DLG2: variants seen among roughly 807,000 people sequenced by gnomAD.
DLG2 encodes the protein discs large MAGUK scaffold protein 2, also known as disks large homolog 2.
DLG2 carries 45 observed loss-of-function variants against 132.5 expected under a neutral mutation model. That is an observed-to-expected ratio of 0.34 (90% CI 0.27 to 0.44). The LOEUF is 0.44. Among genes scored for constraint, DLG2 ranks in the 20% least tolerant of loss-of-function variants. The pLI, the probability that DLG2 is intolerant of heterozygous loss-of-function variation, is 1.00. For missense variants in DLG2, 1,045 were observed against 1,196.9 expected, an observed-to-expected ratio of 0.87 and a Z score of 1.87; for synonymous variants, 424 against 419.6, an observed-to-expected ratio of 1.01 and a Z score of -0.13.
chr11:85,173,875 A>C lies in DLG2; in HGVS notation c.187-19224T>G, dbSNP rs538698219. Among the ~76,000 whole-genome samples, 213 of 152,342 alleles carry C rather than the reference A, an allele frequency of 1.4e-3. 1 individual carries two copies. The highest frequency in any genetic ancestry group is 4.8e-3 in the African/African-American group (201 of 41,586). On this transcript the variant is annotated intron_variant, in intron 4 of 27. Transcript: ENST00000376104. ...CAACAAAGATCAAAAAAGATAAAGA[A>C]GGGCGTTACACAAGGGTAAAGGGTT... is the stretch of plus-strand genomic sequence containing the variant.
In DLG2 at chr11:83,462,077, G is replaced by A; in HGVS notation, c.2746C>T (p.Leu916=). 6.2e-7 allele frequency: 1 copy of A among 1,611,392 alleles called. No individual in the cohort carries two copies. Among genetic ancestry groups the A allele is most frequent in the Non-Finnish European group, 8.5e-7 (1 of 1,177,602 alleles). The change falls in exon 27 of 28, where the codon CTA becomes TTA. Residue 916 remains leucine, a synonymous_variant. Coordinates refer to ENST00000376104, the MANE Select transcript of DLG2 (RefSeq NM_001142699.3). ...GTTTTCTTGGCTTGTTCCTCTGTTA[G>A]ACGCTTATTCATCTCCCTGGGAAAA... ...LEPLMEMNKR[L]TEEQAKKTYD... is the part of the protein sequence containing the mutation.
At chr11:84,770,462 A>G (rs1386651443) in intron 6 of DLG2, among the ~76,000 whole-genome samples, 5 of 151,652 alleles carry the variant, frequency 3.3e-5, no homozygotes, top group Non-Finnish European at 5.9e-5. Context: ...CCCTCCTCCC[A>G]TCCTCCGCCC....
intron 3 of DLG2, among the ~76,000 whole-genome samples, chr11:85,339,130 G>T (rs1353006949): frequency 6.6e-6 from 1 of 151,866 alleles, no homozygotes; most frequent in East Asian, 1.9e-4. Context: ...TTTGAGCTTT[G>T]CTTTTTTTAT....
At position 85,506,410 on chromosome 11, in the gene DLG2, G is replaced by C. The variant is rs552700930; in HGVS notation, c.40+92247C>G. ...AAATGTGTCCCAGATATTCTGGTAT[G>C]TTGTGTCTTTGTTCTCATTGGTTTC... is the stretch of plus-strand genomic sequence containing the variant. On this transcript the variant is annotated intron_variant, in intron 3 of 27. Transcript: ENST00000376104. 8.5e-5 allele frequency among the ~76,000 whole-genome samples: 13 copies of C among 152,232 alleles called. No homozygotes were observed. The East Asian group carries it at 2.3e-3, about 27-fold the overall frequency.
At chr11:85,553,447 T>C (rs1249025118) in intron 3 of DLG2, among the ~76,000 whole-genome samples, 1 of 151,348 alleles carries the variant, frequency 6.6e-6, no homozygotes, top group Admixed American at 6.6e-5. Flanking sequence ...ACAAGTGCTT[T>C]TTTTTTTTGG....
chr11:85,034,154 T>C (rs2061257570), intron 6 of DLG2, among the ~76,000 whole-genome samples: 3 of 151,572 alleles, frequency 2.0e-5, no homozygotes, highest in Admixed American at 2.0e-4. Flanking sequence ...TTCGGCTCAC[T>C]GCAAGCTCCA....
chr11:85,610,106 T>C (rs914738830), intron 2 of DLG2, among the ~76,000 whole-genome samples: 1 of 152,152 alleles, frequency 6.6e-6, no homozygotes, highest in African/African-American at 2.4e-5. Context: ...AGGAAAAAAA[T>C]GCCCGCCCAG....
At chr11:84,938,463 A>G (rs1043753995) in intron 6 of DLG2, among the ~76,000 whole-genome samples, 10 of 152,230 alleles carry the variant, frequency 6.6e-5, no homozygotes, top group African/African-American at 2.4e-4. Context: ...ATTATAGATC[A>G]CTAGCTGCCA....
chr11:85,626,238 G>A (rs935636824), intron 2 of DLG2, among the ~76,000 whole-genome samples: 4 of 152,288 alleles, frequency 2.6e-5, no homozygotes, highest in African/African-American at 7.2e-5. Context: ...AAACCCATGA[G>A]GAAGAGCTCC....
At chr11:85,520,700 AG>A (rs2074242365) in intron 3 of DLG2, among the ~76,000 whole-genome samples, 1 of 152,186 alleles carries the variant, frequency 6.6e-6, no homozygotes, top group Non-Finnish European at 1.5e-5. Flanking sequence ...GAATCTAGAA[AG>A]AAATCAACAC....
At chr11:85,303,706 G>T (rs1171592146) in intron 3 of DLG2, among the ~76,000 whole-genome samples, 3 of 152,156 alleles carry the variant, frequency 2.0e-5, no homozygotes, top group African/African-American at 7.2e-5. Flanking sequence ...AAGATTCAGA[G>T]ATCTGAGTTC....
chr11:84,248,442 A>C (rs1002812442), intron 8 of DLG2, among the ~76,000 whole-genome samples: 3 of 152,228 alleles, frequency 2.0e-5, no homozygotes, highest in East Asian at 3.9e-4. Flanking sequence ...AGATTAAATA[A>C]ATTACTTAAG....
intron 20 of DLG2, among the ~76,000 whole-genome samples, chr11:83,534,279 TA>T (rs2095830420): frequency 6.6e-6 from 1 of 152,340 alleles, no homozygotes; most frequent in Middle Eastern, 3.4e-3. Flanking sequence ...TGGTGTTTTA[TA>T]GCAAGTCCTC....
chr11:84,411,602 G>A (rs1186207619), intron 7 of DLG2, among the ~76,000 whole-genome samples: 1 of 152,042 alleles, frequency 6.6e-6, no homozygotes, highest in Non-Finnish European at 1.5e-5. Context: ...ATTAACGTAG[G>A]AGAAATAAGT....
At chr11:84,976,683 G>T (rs1346585922) in intron 6 of DLG2, among the ~76,000 whole-genome samples, 3 of 151,972 alleles carry the variant, frequency 2.0e-5, no homozygotes, top group Non-Finnish European at 4.4e-5. Context: ...AAATATGCTG[G>T]TATGTTGCCA....
chr11:85,457,708 G>C (rs2092467580), intron 3 of DLG2, among the ~76,000 whole-genome samples: 1 of 152,144 alleles, frequency 6.6e-6, no homozygotes, highest in Admixed American at 6.5e-5. Flanking sequence ...AGTTTGTCTG[G>C]ATATAAAATT....
At chr11:84,761,464 G>T (rs747664722) in intron 6 of DLG2, among the ~76,000 whole-genome samples, 1 of 152,120 alleles carries the variant, frequency 6.6e-6, no homozygotes, top group Non-Finnish European at 1.5e-5. Context: ...ATTAACATTC[G>T]TGTCAGTGGA....
At chr11:84,361,693 T>C (rs879499056) in intron 7 of DLG2, among the ~76,000 whole-genome samples, 14 of 152,014 alleles carry the variant, frequency 9.2e-5, no homozygotes, top group Admixed American at 9.2e-4. Context: ...TTAATCTCTT[T>C]AAGATATAAA....
chr11:83,833,211 G>T (rs1332307215), intron 17 of DLG2, among the ~76,000 whole-genome samples: 1 of 152,198 alleles, frequency 6.6e-6, no homozygotes, highest in East Asian at 1.9e-4. Context: ...GCTGAGGCGG[G>T]TGGATCACCT....
Sources: gnomAD v4.1 joint callset for allele counts (sites outside exome capture counted in the v4.1 genomes callset) on GRCh38, gnomAD v4.1.1 for gene constraint, MANE v1.5 for transcripts, NCBI Gene and HGNC (gene_info 2026-07-23, HGNC 2026-07-21) for gene names.